Variants in GPA33 observed in about 807,000 individuals in gnomAD.
The protein encoded by GPA33 is glycoprotein A33.
In GPA33, 27 loss-of-function variants were observed where a neutral mutation model predicts 35.6. The observed-to-expected ratio is 0.76, with a 90% CI of 0.56 to 1.04. GPA33 has a LOEUF of 1.04. Ranked by LOEUF, GPA33 falls within the 50% of genes least tolerant of loss-of-function variation. The pLI is 0.00. For missense variants in GPA33, 428 were observed against 411.9 expected (o/e 1.04, Z -0.34); for synonymous variants, 176 against 164.0 (o/e 1.07, Z -0.56).
chr1:167,079,260 AGGCG>A (rs1014125874), intron 1 of GPA33, among the ~76,000 whole-genome samples: 1 of 152,186 alleles, frequency 6.6e-6, no homozygotes, highest in Non-Finnish European at 1.5e-5. Flanking sequence ...TGGGAGGCTA[AGGCG>A]GGCGGATTGC....
intron 4 of GPA33, among the ~76,000 whole-genome samples, chr1:167,059,277 A>T (rs908748793): frequency 6.6e-6 from 1 of 152,028 alleles, no homozygotes. Context: ...TCGGAAAGGG[A>T]CTAGTAATTT....
chr1:167,062,196 T>TTTTATTTTATTTTAC, intron 4 of GPA33, among the ~76,000 whole-genome samples: 1 of 151,800 alleles, frequency 6.6e-6, no homozygotes, highest in South Asian at 2.1e-4. Context: ...TTTTACTTTA[T>TTTTATTTTATTTTAC]TTTATTTTAT....
At chr1:167,065,954 GA>G in intron 3 of GPA33, among the ~76,000 whole-genome samples, 1 of 152,268 alleles carries the variant, frequency 6.6e-6, no homozygotes, top group Admixed American at 6.5e-5. Flanking sequence ...GGTCCCCGGG[GA>G]ACAAGAGAAG....
intron 2 of GPA33, 100 bp from the exon 3 acceptor site, chr1:167,069,238 A>C: frequency 1.4e-6 from 1 of 724,204 alleles, no homozygotes; most frequent in African/African-American, 1.7e-5. Context: ...TCCAGGGCCC[A>C]GAAGCACAGA....
At chr1:167,061,649 C>A (rs939614156) in intron 4 of GPA33, among the ~76,000 whole-genome samples, 4 of 123,448 alleles carry the variant, frequency 3.2e-5, no homozygotes, top group African/African-American at 1.3e-4. Flanking sequence ...AGGCTGCAGG[C>A]TGGAGTGCGG....
intron 5 of GPA33, 131 bp downstream of exon 5, chr1:167,055,598 CA>C (rs994659361): frequency 1.0e-6 from 1 of 971,454 alleles, no homozygotes; most frequent in Non-Finnish European, 1.6e-6. Flanking sequence ...TAGGTCACCA[CA>C]GCTAACCTGC....
chr1:167,063,817 C>G (rs1056479286), intron 3 of GPA33, 80 bp from the exon 4 acceptor site: 6 of 1,043,620 alleles, frequency 5.7e-6, no homozygotes, highest in Non-Finnish European at 7.2e-6. Context: ...CCACCCACCC[C>G]CCACACACAT....
At position 167,077,629 on chromosome 1, in the gene GPA33, A is replaced by T. The variant is rs368271436; in HGVS notation, c.44-4090T>A. ...CTGATAGTAACAATTCTCACTCTCA[A>T]ATCAAAGAGAACCAACCCACTAAGT... On this transcript the variant is annotated intron_variant, in intron 1 of 6. Coordinates refer to ENST00000367868, the MANE Select transcript of GPA33 (RefSeq NM_005814.3). Among the ~76,000 whole-genome samples the T allele has an allele frequency of 1.6e-4, 24 of 152,312 alleles. 1 individual carries two copies. Among genetic ancestry groups the T allele is most frequent in the African/African-American group, 5.3e-4 (22 of 41,560 alleles).
intron 3 of GPA33, 139 bp from the exon 4 acceptor site, chr1:167,063,876 A>C (rs1666527716): frequency 3.3e-6 from 2 of 603,746 alleles, no homozygotes; most frequent in African/African-American, 4.2e-5. Flanking sequence ...TTGAGTAGTG[A>C]GATGGAATGC....
rs190718004 is a variant in GPA33, at chr1:167,073,597, C to T, written c.44-58G>A. 8 of 1,440,708 alleles carry T rather than the reference C, an allele frequency of 5.6e-6. No individual in the cohort carries two copies. In the African/African-American group the frequency reaches 8.4e-5, roughly 15 times the overall value. 89.2% of individuals were successfully genotyped at this position (1,440,708 alleles called of 1,614,324 possible). ...TAAGCGACACGGACAGACATACCCACTCACTGCCCACAGGACCACTGAGGG... is the reference window on the plus strand; with the variant it reads ...TAAGCGACACGGACAGACATACCCATTCACTGCCCACAGGACCACTGAGGG... On this transcript the variant is annotated intron_variant, in intron 1 of 6. Transcript: ENST00000367868.
At chr1:167,061,860 C>G (rs1666458316) in intron 4 of GPA33, among the ~76,000 whole-genome samples, 1 of 152,098 alleles carries the variant, frequency 6.6e-6, no homozygotes, top group Non-Finnish European at 1.5e-5. Context: ...CCTCAGCCTC[C>G]CAAAGTGTCT....
At chr1:167,081,610 G>C (rs529149074) in intron 1 of GPA33, among the ~76,000 whole-genome samples, 1 of 152,172 alleles carries the variant, frequency 6.6e-6, no homozygotes, top group Non-Finnish European at 1.5e-5. Context: ...TTAGTGCAAG[G>C]CACCAGAAAA....
intron 1 of GPA33, among the ~76,000 whole-genome samples, chr1:167,080,811 C>T (rs1412682238): frequency 6.6e-6 from 1 of 152,186 alleles, no homozygotes; most frequent in East Asian, 1.9e-4. Flanking sequence ...CCCTAGAGCT[C>T]GGCAAAGTGC....
At chr1:167,066,540 G>A (rs1666595720) in intron 3 of GPA33, among the ~76,000 whole-genome samples, 1 of 152,108 alleles carries the variant, frequency 6.6e-6, no homozygotes, top group South Asian at 2.1e-4. Context: ...CCCTCACTAA[G>A]GTCTCTCCCC....
intron 2 of GPA33, among the ~76,000 whole-genome samples, chr1:167,069,521 A>T (rs1325604171): frequency 6.6e-6 from 1 of 152,102 alleles, no homozygotes; most frequent in Admixed American, 6.5e-5. Flanking sequence ...AGCACCTTCC[A>T]TGTACCAGGC....
At chr1:167,080,005 A>G (rs747154509) in intron 1 of GPA33, among the ~76,000 whole-genome samples, 8 of 152,172 alleles carry the variant, frequency 5.3e-5, no homozygotes, top group Non-Finnish European at 8.8e-5. Context: ...TGAGAAGTGA[A>G]GCTCATTTTT....
At chr1:167,055,630 G>C in intron 5 of GPA33, 100 bp downstream of exon 5, 1 of 1,340,576 alleles carries the variant, frequency 7.5e-7, no homozygotes, top group Admixed American at 1.7e-5. Flanking sequence ...CCCTAGAGAG[G>C]TTCCCCTATT....
intron 1 of GPA33, among the ~76,000 whole-genome samples, chr1:167,084,719 G>T (rs919262158): frequency 6.6e-6 from 1 of 152,206 alleles, no homozygotes; most frequent in Non-Finnish European, 1.5e-5. Context: ...CACCACCTTG[G>T]AAGTGGGTCT....
chr1:167,063,841 T>C, intron 3 of GPA33, 104 bp from the exon 4 acceptor site: 1 of 798,694 alleles, frequency 1.3e-6, no homozygotes, highest in Non-Finnish European at 2.0e-6. Flanking sequence ...CTGCCTTGTT[T>C]GTTCACAGGC....
Sources: allele counts gnomAD v4.1 joint callset (sites outside exome capture counted in the v4.1 genomes callset), GRCh38; gene constraint gnomAD v4.1.1; transcripts MANE v1.5; gene names NCBI Gene and HGNC (gene_info 2026-07-23, HGNC 2026-07-21).